The following NECAB3 variants were observed in gnomAD, a reference collection of about 807,000 sequenced individuals.
NECAB3 encodes the protein N-terminal EF-hand calcium-binding protein 3.
NECAB3 carries 38 observed loss-of-function variants against 57.2 expected under a neutral mutation model. That is an observed-to-expected ratio of 0.66 (90% CI 0.51 to 0.87). The LOEUF (loss-of-function observed/expected upper bound fraction) is 0.87. Ranked by LOEUF, NECAB3 falls within the 40% of genes least tolerant of loss-of-function variation. The probability of loss-of-function intolerance (pLI) is 0.00; values close to 1 mark genes in which losing one functional copy is unlikely to be tolerated. For synonymous variants in NECAB3, 223 were observed against 222.6 expected (o/e 1.00, Z -0.02); for missense variants, 474 against 527.5 (o/e 0.90, Z 0.99).
chr20:33,662,581 C>G, intron 5 of NECAB3: 1 of 1,272,210 alleles, frequency 7.9e-7, no homozygotes, highest in Non-Finnish European at 1.1e-6. Context: ...ATGCAGAAGT[C>G]CTAGGGGGTG....
intron 5 of NECAB3, chr20:33,664,942 C>G (rs2017602474): frequency 6.6e-6 from 1 of 152,012 alleles, no homozygotes; most frequent in South Asian, 2.1e-4. Flanking sequence ...CTGCACCAGG[C>G]TGGAGGCTGC....
At chr20:33,658,340 G>A (rs2017349661) in intron 10 of NECAB3, 137 bp downstream of exon 10, 2 of 895,568 alleles carry the variant, frequency 2.2e-6, no homozygotes, top group Non-Finnish European at 3.6e-6. Flanking sequence ...TTTTGGAAAG[G>A]ACTCGGGGGC....
Position 33,658,538 on chromosome 20 carries a change from T to C in NECAB3, c.1009A>G (p.Met337Val), listed in dbSNP as rs2017355154. The C allele has an allele frequency of 6.2e-7, 1 of 1,613,880 alleles. No homozygotes were observed. The highest frequency in any genetic ancestry group is 1.3e-5 in the African/African-American group (1 of 74,868). ...AGGGTGAAGGAGGCACCGTCCAGCA[T>C]CTTCTGGGCGGACACACTGTAGGGC... ...SHCLHVSAQK[M>V]LDGASFTLYE... Residue 337 changes from methionine (M) to valine (V), a missense_variant, in exon 10 of 12, where the codon ATG becomes GTG. Coordinates refer to ENST00000246190, the MANE Select transcript of NECAB3 (RefSeq NM_031232.4).
At chr20:33,663,525 C>T in intron 5 of NECAB3, 2 of 1,607,546 alleles carry the variant, frequency 1.2e-6, no homozygotes, top group South Asian at 1.1e-5. Context: ...CCCTGTTCCA[C>T]CCCCAGACCA....
rs770461245 is a variant in NECAB3 at position 33,658,019 on chromosome 20, G to C, written c.1085C>G (p.Pro362Arg). Residue 362 changes from proline to arginine, a missense_variant, in exon 11 of 12, where the codon CCT becomes CGT. Coordinates refer to ENST00000246190, the MANE Select transcript of NECAB3 (RefSeq NM_031232.4). ...GATGCGCTGGAAGGCCTTGCTGCCA[G>C]GCGACTGCTGGTGCCTGCAGAGACC... ...EASWRRHQQS[P>R]GSKAFQRILI... The C allele has an allele frequency of 5.8e-6, 9 of 1,551,896 alleles. No individual in the cohort carries two copies. The South Asian group carries it at 9.5e-5, about 16-fold the overall frequency.
intron 2 of NECAB3, chr20:33,672,156 T>C (rs2122524204): frequency 3.5e-6 from 2 of 576,126 alleles, no homozygotes; most frequent in East Asian, 5.9e-5. Context: ...GCCAGGGTGC[T>C]GTGTGAAAGT....
rs1316874984 is a variant in NECAB3, at chr20:33,658,772, T to A, written c.942A>T (p.Arg314=). The A allele has an allele frequency of 6.2e-7, 1 of 1,613,496 alleles. No individual in the cohort carries two copies. The highest frequency in any genetic ancestry group is 1.7e-5 in the Admixed American group (1 of 59,996). Reference sequence around the variant, plus strand: ...TGAAGTCCACATAGCAGCGCAGGGCTCGGTGGAAGTCCTGCAGGCCTTCCT... The same window carrying A: ...TGAAGTCCACATAGCAGCGCAGGGCACGGTGGAAGTCCTGCAGGCCTTCCT... The part of the protein sequence containing the change: ...VAEEGLQDFH[R]ALRCYVDFTG... The change falls in exon 9 of 12, where the codon CGA becomes CGT. Residue 314 remains arginine (R), a synonymous_variant. Transcript: ENST00000246190.
At position 33,657,957 on chromosome 20, in the gene NECAB3, T is replaced by C. The variant is rs978659373; in HGVS notation, c.1147A>G (p.Thr383Ala). The change falls in exon 11 of 12, where the codon ACT becomes GCT. Residue 383 changes from threonine to alanine, a missense_variant. Coordinates refer to ENST00000246190, the MANE Select transcript of NECAB3 (RefSeq NM_031232.4). ...CACCGCATACCTGGGAAGAACACAG[T>C]GGTGAGGGTGTCCGGGGCCCGCAGG... is the stretch of plus-strand genomic sequence containing the variant. ...DHLRAPDTLT[T>A]VFFPASWWIM... The C allele has an allele frequency of 6.4e-7, 1 of 1,557,180 alleles. No homozygotes were observed. The highest frequency in any genetic ancestry group is 8.7e-7 in the Non-Finnish European group (1 of 1,150,292).
upstream of NECAB3, chr20:33,674,477 G>GCCCCGC: frequency 1.2e-6 from 1 of 853,846 alleles, no homozygotes. Context: ...CCCCGCCCCC[G>GCCCCGC]CCCCGCCCCC....
At position 33,667,783 on chromosome 20, in the gene NECAB3, C is replaced by T. The variant is rs776721309; in HGVS notation, c.387+1592G>A. The T allele has an allele frequency of 7.4e-6, 12 of 1,612,246 alleles. No individual in the cohort carries two copies. In the African/African-American group the frequency reaches 1.6e-4, roughly 22 times the overall value. On this transcript the variant is annotated intron_variant, in intron 5 of 11. Coordinates refer to ENST00000246190, the MANE Select transcript of NECAB3 (RefSeq NM_031232.4). ...GTCCCTGGACTTCGAGGGCGACCTC[C>T]GCGACCCCGCCCGCCACCATCCGGC...
rs774654716 is a variant in NECAB3 at position 33,657,108 on chromosome 20, T to C, written c.*721A>G. ...ACACTGGAAGGGACCACTGCCTTTA[T>C]TGCCTCTGTGCTGGGGTCCCAGCCT... On this transcript the variant is annotated 3_prime_UTR_variant, in exon 12 of 12. Coordinates refer to ENST00000246190, the MANE Select transcript of NECAB3 (RefSeq NM_031232.4). 4 of 152,552 alleles carry C rather than the reference T, an allele frequency of 2.6e-5. No homozygotes were observed. The highest frequency in any genetic ancestry group is 4.4e-5 in the Non-Finnish European group (3 of 68,028). The allele number at this position is 152,552 out of a possible 1,614,324, so 9.4% of individuals were successfully genotyped here. A position where few individuals can be genotyped will look rare whatever the true frequency, so the allele number is the denominator to read the frequency against.
In NECAB3 at chr20:33,658,947, G is replaced by A. The variant is rs558173373; in HGVS notation, c.880-113C>T. 22 of 740,176 alleles carry A rather than the reference G, an allele frequency of 3.0e-5. No individual in the cohort carries two copies. The African/African-American group carries it at 3.6e-4, about 12-fold the overall frequency. The allele number at this position is 740,176 out of a possible 1,614,324, so 45.9% of individuals were successfully genotyped here. On this transcript the variant is annotated intron_variant, in intron 8 of 11. Coordinates refer to ENST00000246190, the MANE Select transcript of NECAB3 (RefSeq NM_031232.4). ...TTCTGTTTGTTTGTTTTTTAAGACA[G>A]GGTCTTGCTCTCACCCAGGCTGGAG... is the stretch of plus-strand genomic sequence containing the variant.
In NECAB3 at chr20:33,660,618, CAG is replaced by C. The variant is rs1489108524; in HGVS notation, c.388-225_388-224del. 1.3e-5 allele frequency among the ~76,000 whole-genome samples: 2 copies of C among 152,182 alleles called. No homozygotes were observed. The highest frequency in any genetic ancestry group is 4.8e-5 in the African/African-American group (2 of 41,448). On this transcript the variant is annotated intron_variant, in intron 5 of 11. Transcript: ENST00000246190. This position sits in a 1 kb window ranked among gnomAD's most constrained non-coding sequence, Gnocchi z 4.1. ...TCCCCGGAGGTGTGAGGCCAACTCA[CAG>C]GGGGCATCTGCCCAGCGAAGTGCCT...
intron 5 of NECAB3, chr20:33,662,615 C>T (rs564819129): frequency 3.1e-6 from 3 of 976,224 alleles, no homozygotes; most frequent in South Asian, 1.7e-5. Context: ...AAAATCTCTC[C>T]CAAGGATGAG....
At chr20:33,667,313 AGCACG>A in intron 5 of NECAB3, 1 of 752,024 alleles carries the variant, frequency 1.3e-6, no homozygotes, top group Non-Finnish European at 1.9e-6. Flanking sequence ...CACCCCATCA[AGCACG>A]GCGTGGTGGC....
intron 5 of NECAB3, chr20:33,667,655 C>A: frequency 6.2e-7 from 1 of 1,609,912 alleles, no homozygotes; most frequent in Non-Finnish European, 8.5e-7. Flanking sequence ...AGCACCCTGT[C>A]GCGCTACCTG....
chr20:33,659,058 G>A (rs1424551069), intron 8 of NECAB3, among the ~76,000 whole-genome samples: 1 of 152,148 alleles, frequency 6.6e-6, no homozygotes, highest in African/African-American at 2.4e-5. Flanking sequence ...CCAAGGTGCT[G>A]GAATTACAGG....
intron 5 of NECAB3, chr20:33,663,260 A>G: frequency 1.9e-6 from 1 of 527,512 alleles, no homozygotes. Flanking sequence ...TCATAAACTT[A>G]GACGGAGCTG....
At chr20:33,664,555 G>A (rs768429735) in intron 5 of NECAB3, 2 of 154,338 alleles carry the variant, frequency 1.3e-5, no homozygotes, top group African/African-American at 2.4e-5. Context: ...CCACTTACCT[G>A]TCTAGGGCAG....
Sources: gnomAD v4.1 joint callset for allele counts (sites outside exome capture counted in the v4.1 genomes callset) on GRCh38, gnomAD v4.1.1 for gene constraint, Gnocchi (gnomAD v3.1) non-coding constraint, MANE v1.5 for transcripts, NCBI Gene and HGNC (gene_info 2026-07-23, HGNC 2026-07-21) for gene names.